The following PLG variants were observed in gnomAD, a reference collection of about 807,000 sequenced individuals.
PLG encodes plasmin.
Under a neutral mutation model 104.4 loss-of-function variants are expected in PLG, and 41 were observed. The observed-to-expected ratio is 0.39, with a 90% CI of 0.31 to 0.51. The LOEUF (loss-of-function observed/expected upper bound fraction) is 0.51. Among genes scored for constraint, PLG ranks in the 20% least tolerant of loss-of-function variants. The probability of loss-of-function intolerance (pLI) is 0.76; values close to 1 mark genes in which losing one functional copy is unlikely to be tolerated. For missense variants in PLG, 891 were observed against 1,003.6 expected (o/e 0.89, Z 1.52); for synonymous variants, 337 against 357.1 (o/e 0.94, Z 0.63).
chr6:160,729,378 G>T (rs921115759), intron 10 of PLG, among the ~76,000 whole-genome samples: 1 of 152,046 alleles, frequency 6.6e-6, no homozygotes, highest in African/African-American at 2.4e-5. Flanking sequence ...TTCTATTCCT[G>T]AATATTTACC....
rs1270375791 is a variant in PLG at position 160,739,533 on chromosome 6, T to C, written c.2018+325T>C. 1.3e-5 allele frequency among the ~76,000 whole-genome samples: 2 copies of C among 152,186 alleles called. No individual in the cohort carries two copies. The highest frequency in any genetic ancestry group is 2.4e-5 in the African/African-American group (1 of 41,458). On this transcript the variant is annotated intron_variant, in intron 16 of 18. Transcript: ENST00000308192. This position sits in a 1 kb window ranked among gnomAD's most constrained non-coding sequence, Gnocchi z 4.4. ...CGATTCAGTTATTCCAGGCTGACAA[T>C]TCCCCCTTCATCATAATATGTTTAA... is the stretch of plus-strand genomic sequence containing the variant.
chr6:160,731,801 G>A lies in PLG; in HGVS notation c.1495G>A (p.Gly499Arg). ...YRGKRATTVT[G>R]TPCQDWAAQE... is the part of the protein sequence containing the mutation. ...AGGCAAGAGGGCGACCACTGTTACTGGGACGCCATGCCAGGACTGGGCTGC... is the reference window on the plus strand; with the variant it reads ...AGGCAAGAGGGCGACCACTGTTACTAGGACGCCATGCCAGGACTGGGCTGC... The change falls in exon 12 of 19, where the codon GGG becomes AGG. Residue 499 changes from glycine (G) to arginine (R), a missense_variant. Gly to Arg is a moderately radical substitution (Grantham distance 125, BLOSUM62 -2). Around this residue, in one of 2 missense-constraint regions of PLG, gnomAD observed 854 missense variants for 932.1 expected, o/e 0.92. Transcript: ENST00000308192. This position sits in a 1 kb window ranked among gnomAD's most constrained non-coding sequence, Gnocchi z 5.1. 6.2e-7 allele frequency: 1 copy of A among 1,613,590 alleles called. No homozygotes were observed. Among genetic ancestry groups the A allele is most frequent in the East Asian group, 2.2e-5 (1 of 44,876 alleles).
Position 160,716,761 on chromosome 6 carries a change from G to T in PLG, c.785G>T (p.Cys262Phe). ...TGGGAACTTTGTGACATCCCCCGCT[G>T]CAGTGAGTATGATGCACACCCAGAT... ...KRWELCDIPR[C>F]TTPPPSSGPT... The change falls in exon 7 of 19, where the codon TGC becomes TTC. Residue 262 changes from cysteine (C) to phenylalanine (F), a missense_variant and splice_region_variant. By Grantham distance (205) the Cys-to-Phe change is radical. This residue lies in a region of PLG where 854 missense variants were observed against 932.1 expected (regional missense o/e 0.92). Coordinates refer to ENST00000308192, the MANE Select transcript of PLG (RefSeq NM_000301.5). The T allele has an allele frequency of 6.4e-7, 1 of 1,560,566 alleles. No individual in the cohort carries two copies. The highest frequency in any genetic ancestry group is 8.8e-7 in the Non-Finnish European group (1 of 1,131,132).
intron 10 of PLG, 93 bp downstream of exon 10, chr6:160,722,660 G>A (rs1777855734): frequency 1.7e-6 from 2 of 1,167,322 alleles, no homozygotes; most frequent in Non-Finnish European, 2.6e-6. Context: ...AACTTCCTAG[G>A]ACCAAATTTC....
intron 5 of PLG, among the ~76,000 whole-genome samples, chr6:160,713,618 AACT>A (rs1189003063): frequency 6.6e-6 from 1 of 152,192 alleles, no homozygotes; most frequent in Non-Finnish European, 1.5e-5. Context: ...ACAAATATAA[AACT>A]ACATCTAAAC....
chr6:160,734,112 G>A lies in PLG; in HGVS notation c.1681+24G>A, dbSNP rs762505839. 7 of 1,296,374 alleles carry A rather than the reference G, an allele frequency of 5.4e-6. No homozygotes were observed. The highest frequency in any genetic ancestry group is 5.0e-5 in the Admixed American group (3 of 59,496). 80.3% of individuals were successfully genotyped at this position (1,296,374 alleles called of 1,614,324 possible). A position where few individuals can be genotyped will look rare whatever the true frequency, so the allele number is the denominator to read the frequency against. On this transcript the variant is annotated intron_variant, in intron 13 of 18. Coordinates refer to ENST00000308192, the MANE Select transcript of PLG (RefSeq NM_000301.5). The surrounding 1 kb of genome is among the most constrained non-coding windows in gnomAD (Gnocchi z 4.4). ...TGGTAGGTTGCCTTCTTTTTGGTAA[G>A]GAAACTGCTTACTTAATATGGATTT...
intron 8 of PLG, 79 bp from the exon 9 acceptor site, chr6:160,718,614 G>A (rs980325662): frequency 8.7e-6 from 13 of 1,491,894 alleles, no homozygotes; most frequent in African/African-American, 8.3e-5. Flanking sequence ...GTTTTTTCCC[G>A]TAACGGTTGT....
At chr6:160,748,421 A>AGAAAGG (rs1778330536) in intron 17 of PLG, among the ~76,000 whole-genome samples, 1 of 102,598 alleles carries the variant, frequency 9.7e-6, no homozygotes, top group African/African-American at 3.5e-5. Context: ...AGAAAGGGAA[A>AGAAAGG]GAAAGAGAAC....
chr6:160,704,881 T>C (rs536887918), intron 1 of PLG, among the ~76,000 whole-genome samples: 2 of 152,336 alleles, frequency 1.3e-5, no homozygotes, highest in African/African-American at 4.8e-5. Context: ...TTTCTGAGAA[T>C]GAAAATCTGT....
intron 1 of PLG, among the ~76,000 whole-genome samples, chr6:160,703,307 AG>A (rs1777455757): frequency 3.3e-5 from 5 of 152,124 alleles, no homozygotes; most frequent in Admixed American, 1.3e-4. Flanking sequence ...ATTAACATAT[AG>A]AATTCACCCA....
intron 17 of PLG, among the ~76,000 whole-genome samples, chr6:160,748,354 A>AAGAAAGAAAGAAAGAGAGAGAGAGAG (rs1778316372): frequency 2.5e-4 from 8 of 31,412 alleles, no homozygotes; most frequent in African/African-American, 7.5e-4. Context: ...AAGAAAGAGA[A>AAGAAAGAAAGAAAGAGAGAGAGAGAG]AGAAAGAAAG....
intron 3 of PLG, 117 bp from the exon 4 acceptor site, chr6:160,710,958 TAG>T (rs1185873744): frequency 2.3e-6 from 2 of 871,470 alleles, no homozygotes; most frequent in East Asian, 5.0e-5. Flanking sequence ...GATGATCTTT[TAG>T]AAAGCAGAAA....
intron 9 of PLG, among the ~76,000 whole-genome samples, chr6:160,721,080 T>C (rs1420471117): frequency 6.6e-6 from 1 of 152,220 alleles, no homozygotes; most frequent in Non-Finnish European, 1.5e-5. Flanking sequence ...TTCTATAGTT[T>C]CCATCTTTGC....
chr6:160,744,267 C>T lies in PLG; in HGVS notation c.2125+2850C>T, dbSNP rs141861196. Among the ~76,000 whole-genome samples the T allele has an allele frequency of 2.0e-5, 3 of 152,144 alleles. No homozygotes were observed. The highest frequency in any genetic ancestry group is 7.2e-5 in the African/African-American group (3 of 41,442). ...TCTTCTTTGTACATCTGGTGGAATT[C>T]AGCTGTGAATCTATCTGGTCCTGGG... On this transcript the variant is annotated intron_variant, in intron 17 of 18. Transcript: ENST00000308192. The surrounding 1 kb of genome is among the most constrained non-coding windows in gnomAD (Gnocchi z 4.5).
At chr6:160,720,386 C>A (rs369256211) in intron 9 of PLG, among the ~76,000 whole-genome samples, 1 of 105,896 alleles carries the variant, frequency 9.4e-6, no homozygotes, top group African/African-American at 3.7e-5. Context: ...TGATTTTTTT[C>A]TTTTCTCTTT....
Position 160,731,247 on chromosome 6 carries a change from G to T in PLG, c.1438+15G>T, listed in dbSNP as rs1485898720. On this transcript the variant is annotated intron_variant, in intron 11 of 18. Coordinates refer to ENST00000308192, the MANE Select transcript of PLG (RefSeq NM_000301.5). This position sits in a 1 kb window ranked among gnomAD's most constrained non-coding sequence, Gnocchi z 5.1. ...TTCCGAAGAAGGTAAGAAATCTGTG[G>T]CTGGACATCTACACACTTGGACGCT... 6.2e-7 allele frequency: 1 copy of T among 1,607,022 alleles called. No homozygotes were observed. The highest frequency in any genetic ancestry group is 1.3e-5 in the African/African-American group (1 of 74,552).
Position 160,716,720 on chromosome 6 carries a change from C to A in PLG, c.744C>A (p.Thr248=), listed in dbSNP as rs745353237. 3 of 1,613,002 alleles carry A rather than the reference C, an allele frequency of 1.9e-6. No individual in the cohort carries two copies. Among genetic ancestry groups the A allele is most frequent in the Non-Finnish European group, 2.5e-6 (3 of 1,178,972 alleles). ...AGCTGCGGCCTTGGTGTTTCACCACCGACCCCAACAAGCGCTGGGAACTTT... is the reference window on the plus strand; with the variant it reads ...AGCTGCGGCCTTGGTGTTTCACCACAGACCCCAACAAGCGCTGGGAACTTT... The part of the protein sequence containing the change: ...DRELRPWCFT[T]DPNKRWELCD... The change falls in exon 7 of 19, where the codon ACC becomes ACA. Residue 248 remains threonine, a synonymous_variant. Coordinates refer to ENST00000308192, the MANE Select transcript of PLG (RefSeq NM_000301.5).
rs1462023858 is a variant in PLG at position 160,735,930 on chromosome 6, C to A, written c.1682-957C>A. ...GGCTTCCATAGATAGATTCTCAGAA[C>A]AGCCCATGGCAAATGTAAAGTTATT... On this transcript the variant is annotated intron_variant, in intron 13 of 18. Coordinates refer to ENST00000308192, the MANE Select transcript of PLG (RefSeq NM_000301.5). The surrounding 1 kb of genome is among the most constrained non-coding windows in gnomAD (Gnocchi z 5.4). Among the ~76,000 whole-genome samples, 2 of 152,180 alleles carry A rather than the reference C, an allele frequency of 1.3e-5. No homozygotes were observed. The highest frequency in any genetic ancestry group is 2.9e-5 in the Non-Finnish European group (2 of 68,034).
intron 12 of PLG, 151 bp from the exon 13 acceptor site, chr6:160,733,844 C>CAAA (rs750182802): frequency 0.073 from 25,631 of 350,486 alleles, 1,474 homozygotes; most frequent in African/African-American, 0.11. Context: ...AACTCCACCT[C>CAAA]AGAAAAAAAA....
Sources: gnomAD v4.1 joint callset for allele counts (sites outside exome capture counted in the v4.1 genomes callset) on GRCh38, gnomAD v4.1.1 for gene constraint, gnomAD v4.1.1 regional missense constraint, Gnocchi (gnomAD v3.1) non-coding constraint, MANE v1.5 for transcripts, NCBI Gene and HGNC (gene_info 2026-07-23, HGNC 2026-07-21) for gene names.